Variants in SLC39A11 observed in about 807,000 individuals in gnomAD.
SLC39A11 encodes solute carrier family 39 member 11, also known as zinc transporter ZIP11.
A neutral mutation model predicts 36.1 loss-of-function variants in SLC39A11; 33 were observed. The ratio of observed to expected loss-of-function variants is 0.91; its 90% confidence interval spans 0.69 to 1.22. The LOEUF is 1.22. Among genes scored for constraint, SLC39A11 ranks in the 50% most tolerant of loss-of-function variants. The pLI, the probability that SLC39A11 is intolerant of heterozygous loss-of-function variation, is 0.00. For synonymous variants in SLC39A11, 166 were observed against 170.3 expected (o/e 0.97, Z 0.20); for missense variants, 432 against 430.3 (o/e 1.00, Z -0.03).
At chr17:72,807,010 C>A (rs1474474404) in intron 6 of SLC39A11, among the ~76,000 whole-genome samples, 1 of 152,154 alleles carries the variant, frequency 6.6e-6, no homozygotes, top group Non-Finnish European at 1.5e-5. Flanking sequence ...ATCTACATGT[C>A]TTTTATTCTA....
intron 4 of SLC39A11, among the ~76,000 whole-genome samples, chr17:72,961,817 C>T (rs1024583608): frequency 1.3e-5 from 2 of 152,114 alleles, no homozygotes; most frequent in Non-Finnish European, 2.9e-5. Flanking sequence ...CAGCAAACCA[C>T]CATGGCACAT....
rs961619117 is a variant in SLC39A11 at position 72,837,926 on chromosome 17, T to G, written c.601+11708A>C. Reference sequence around the variant, plus strand: ...GACTGCTAATAAGCATGCAGTTTCTTTTTTTCCTCAGAGGTACTGCTCAAA... The same window carrying G: ...GACTGCTAATAAGCATGCAGTTTCTGTTTTTCCTCAGAGGTACTGCTCAAA... On this transcript the variant is annotated intron_variant, in intron 6 of 9. Coordinates refer to ENST00000255559, the MANE Select transcript of SLC39A11 (RefSeq NM_139177.4). 9 of 1,228,226 alleles carry G rather than the reference T, an allele frequency of 7.3e-6. No individual in the cohort carries two copies. In the African/African-American group the frequency reaches 1.2e-4, roughly 17 times the overall value. The allele number at this position is 1,228,226 out of a possible 1,614,324, so 76.1% of individuals were successfully genotyped here. A position where few individuals can be genotyped will look rare whatever the true frequency, so the allele number is the denominator to read the frequency against.
intron 6 of SLC39A11, among the ~76,000 whole-genome samples, chr17:72,847,495 A>G (rs907629968): frequency 2.0e-5 from 3 of 152,148 alleles, no homozygotes. Flanking sequence ...AGGGAGACAC[A>G]TAAACTGATG....
At chr17:72,669,722 G>A (rs889490722) in intron 7 of SLC39A11, among the ~76,000 whole-genome samples, 4 of 152,000 alleles carry the variant, frequency 2.6e-5, no homozygotes, top group African/African-American at 4.8e-5. Flanking sequence ...AGCCAGGTGC[G>A]GTGGCTTAAG....
At chr17:73,040,522 A>G (rs2059070139) in intron 3 of SLC39A11, among the ~76,000 whole-genome samples, 1 of 152,242 alleles carries the variant, frequency 6.6e-6, no homozygotes. Context: ...GAATAGTAAC[A>G]AACAAATGTT....
intron 5 of SLC39A11, among the ~76,000 whole-genome samples, chr17:72,909,808 T>G (rs149011547): frequency 6.2e-4 from 94 of 150,714 alleles, no homozygotes; most frequent in East Asian, 4.5e-3. Flanking sequence ...TGCAGTGGCG[T>G]GATCTCGGCT....
intron 4 of SLC39A11, among the ~76,000 whole-genome samples, chr17:72,979,428 G>C (rs1008529734): frequency 6.6e-6 from 1 of 152,126 alleles, no homozygotes; most frequent in Non-Finnish European, 1.5e-5. Context: ...CCTGGACTCC[G>C]AGAGCACATC....
chr17:72,650,066 AG>A (rs2069779452), intron 7 of SLC39A11, among the ~76,000 whole-genome samples: 1 of 152,220 alleles, frequency 6.6e-6, no homozygotes, highest in Non-Finnish European at 1.5e-5. Context: ...TTTTATTCAG[AG>A]GCCACTTCAG....
chr17:72,823,677 A>C (rs1170547547), intron 6 of SLC39A11: 15 of 151,432 alleles, frequency 9.9e-5, no homozygotes, highest in Non-Finnish European at 1.5e-5. Flanking sequence ...ATTGCTCAAT[A>C]ATCCCAAATA....
chr17:72,968,261 G>T (rs1028957204), intron 4 of SLC39A11, among the ~76,000 whole-genome samples: 1 of 152,212 alleles, frequency 6.6e-6, no homozygotes, highest in African/African-American at 2.4e-5. Context: ...GGTAACTATG[G>T]AGAGCCTGAG....
At chr17:73,082,459 ATTT>A (rs1332424006) in intron 3 of SLC39A11, among the ~76,000 whole-genome samples, 2 of 151,886 alleles carry the variant, frequency 1.3e-5, no homozygotes, top group East Asian at 3.9e-4. Flanking sequence ...CATCAATTTT[ATTT>A]TTATTTGATT....
chr17:72,900,215 AAGAAAGAAAGAAAG>A (rs1272050252), intron 5 of SLC39A11, among the ~76,000 whole-genome samples: 3 of 149,660 alleles, frequency 2.0e-5, no homozygotes, highest in Admixed American at 1.3e-4. Flanking sequence ...GAAAGAAAGA[AAGAAAGAAAGAAAG>A]AAAAAGACAG....
intron 7 of SLC39A11, among the ~76,000 whole-genome samples, chr17:72,735,013 G>A (rs568390615): frequency 1.4e-4 from 22 of 152,250 alleles, no homozygotes; most frequent in Admixed American, 6.5e-4. Context: ...AGGGTGTGAC[G>A]AGTCATCATT....
chr17:72,806,330 T>C (rs1480881858), intron 6 of SLC39A11, among the ~76,000 whole-genome samples: 1 of 152,206 alleles, frequency 6.6e-6, no homozygotes, highest in Non-Finnish European at 1.5e-5. Context: ...CTAGGTTTAA[T>C]ATTATTTTTC....
chr17:73,059,149 T>G (rs2059762007), intron 3 of SLC39A11, among the ~76,000 whole-genome samples: 1 of 152,206 alleles, frequency 6.6e-6, no homozygotes, highest in African/African-American at 2.4e-5. Context: ...TATAAATACT[T>G]TGGCATCTTG....
At chr17:72,820,960 T>TTTTTTG (rs139670069) in intron 6 of SLC39A11, among the ~76,000 whole-genome samples, 19,006 of 150,172 alleles carry the variant, frequency 0.13, 2,157 homozygotes, top group East Asian at 0.32. Context: ...TATTATAAGG[T>TTTTTTG]TTTTTGTTTT....
At chr17:72,709,823 GT>G (rs1685501177) in intron 7 of SLC39A11, among the ~76,000 whole-genome samples, 1 of 152,172 alleles carries the variant, frequency 6.6e-6, no homozygotes, top group South Asian at 2.1e-4. Flanking sequence ...GGATGGTTTT[GT>G]GATATTTTAT....
intron 4 of SLC39A11, among the ~76,000 whole-genome samples, chr17:72,969,754 G>A (rs984175919): frequency 1.8e-4 from 28 of 152,136 alleles, no homozygotes; most frequent in Admixed American, 4.6e-4. Context: ...TAGGGAAACG[G>A]ATGGCAACAC....
At position 72,723,632 on chromosome 17, in the gene SLC39A11, C is replaced by T. The variant is rs149136104; in HGVS notation, c.671+13018G>A. On this transcript the variant is annotated intron_variant, in intron 7 of 9. Coordinates refer to ENST00000255559, the MANE Select transcript of SLC39A11 (RefSeq NM_139177.4). ...TTTTTGAGGTGATACATTTACTTTT[C>T]GAATGACTTCCGTTGAATAATGTTA... Among the ~76,000 whole-genome samples the T allele has an allele frequency of 3.4e-3, 520 of 152,222 alleles. 2 individuals carry two copies. Among genetic ancestry groups the T allele is most frequent in the Admixed American group, 0.012 (178 of 15,294 alleles).
Sources: allele counts gnomAD v4.1 joint callset (sites outside exome capture counted in the v4.1 genomes callset), GRCh38; gene constraint gnomAD v4.1.1; transcripts MANE v1.5; gene names NCBI Gene and HGNC (gene_info 2026-07-23, HGNC 2026-07-21).